Variants in TSPAN9 observed in about 807,000 individuals in gnomAD.
The protein encoded by TSPAN9 is tetraspanin 9.
In TSPAN9, 16 loss-of-function variants were observed where a neutral mutation model predicts 31.0. The observed-to-expected ratio is 0.52, with a 90% CI of 0.35 to 0.78. The LOEUF (loss-of-function observed/expected upper bound fraction) is 0.78. Ranked by LOEUF, TSPAN9 falls within the 30% of genes least tolerant of loss-of-function variation. The probability of loss-of-function intolerance (pLI) is 0.01; values close to 1 mark genes in which losing one functional copy is unlikely to be tolerated. For synonymous variants in TSPAN9, 145 were observed against 121.6 expected (o/e 1.19, Z -1.27); for missense variants, 272 against 312.5 (o/e 0.87, Z 0.98).
chr12:3,092,692 T>C (rs938705253), intron 2 of TSPAN9, among the ~76,000 whole-genome samples: 3 of 152,216 alleles, frequency 2.0e-5, no homozygotes, highest in Admixed American at 2.0e-4. Flanking sequence ...TCATCCACCT[T>C]ACCCACTGCT....
At chr12:3,281,410 G>C in intron 7 of TSPAN9, 81 bp downstream of exon 7, 1 of 1,464,166 alleles carries the variant, frequency 6.8e-7, no homozygotes, top group Non-Finnish European at 9.0e-7. Flanking sequence ...GGGGAGGCTG[G>C]GCCCGGGACA....
At chr12:3,255,321 A>T (rs1862325926) in intron 3 of TSPAN9, among the ~76,000 whole-genome samples, 1 of 152,268 alleles carries the variant, frequency 6.6e-6, no homozygotes, top group South Asian at 2.1e-4. Context: ...GCCTGAGGAG[A>T]CATGGCCCCC....
chr12:3,178,928 T>C (rs1260279307), intron 2 of TSPAN9, among the ~76,000 whole-genome samples: 3 of 152,152 alleles, frequency 2.0e-5, no homozygotes, highest in Admixed American at 2.0e-4. Context: ...CCATCCCCCT[T>C]GGTCCCCATC....
At chr12:3,091,246 A>G (rs2098304384) in intron 2 of TSPAN9, among the ~76,000 whole-genome samples, 2 of 152,302 alleles carry the variant, frequency 1.3e-5, no homozygotes, top group South Asian at 4.1e-4. Context: ...TCCGCTCATA[A>G]CCTCGGATAT....
chr12:3,150,348 T>C (rs1193168748), intron 2 of TSPAN9, among the ~76,000 whole-genome samples: 2 of 152,106 alleles, frequency 1.3e-5, no homozygotes, highest in African/African-American at 4.8e-5. Context: ...TAGTATTTTG[T>C]TGATGGGGGG....
At chr12:3,099,072 A>G (rs539077960) in intron 2 of TSPAN9, among the ~76,000 whole-genome samples, 1 of 152,174 alleles carries the variant, frequency 6.6e-6, no homozygotes, top group Admixed American at 6.5e-5. Context: ...TCTTAACTGC[A>G]TTGTTTTAGC....
At chr12:3,262,664 G>A (rs1230081634) in intron 3 of TSPAN9, among the ~76,000 whole-genome samples, 1 of 151,846 alleles carries the variant, frequency 6.6e-6, no homozygotes, top group Non-Finnish European at 1.5e-5. Context: ...GGCCTGCTGG[G>A]ATCTGACTTA....
At chr12:3,216,643 G>T (rs533091157) in intron 3 of TSPAN9, among the ~76,000 whole-genome samples, 1 of 152,362 alleles carries the variant, frequency 6.6e-6, no homozygotes, top group South Asian at 2.1e-4. Flanking sequence ...ACTGGAACCC[G>T]GAGTGGCCCT....
At chr12:3,207,189 T>G (rs1174120975) in intron 3 of TSPAN9, among the ~76,000 whole-genome samples, 17 of 152,014 alleles carry the variant, frequency 1.1e-4, no homozygotes, top group Non-Finnish European at 1.5e-5. Context: ...GTTGTTTTGT[T>G]TTTCTGGCAG....
At chr12:3,166,057 C>T (rs1024340969) in intron 2 of TSPAN9, among the ~76,000 whole-genome samples, 8 of 152,162 alleles carry the variant, frequency 5.3e-5, no homozygotes, top group Non-Finnish European at 7.3e-5. Flanking sequence ...ACTCTCTAAA[C>T]GCTCTCATTT....
chr12:3,199,184 G>T (rs1400242677), intron 2 of TSPAN9, among the ~76,000 whole-genome samples: 1 of 152,144 alleles, frequency 6.6e-6, no homozygotes, highest in Non-Finnish European at 1.5e-5. Flanking sequence ...CACACCCACC[G>T]CCCCAGGTAG....
intron 3 of TSPAN9, among the ~76,000 whole-genome samples, chr12:3,242,592 C>T (rs1172914384): frequency 6.6e-6 from 1 of 152,354 alleles, no homozygotes; most frequent in East Asian, 1.9e-4. Context: ...ACTGTCCCTG[C>T]TATCCTCTGC....
At chr12:3,140,386 A>G (rs1364634867) in intron 2 of TSPAN9, among the ~76,000 whole-genome samples, 3 of 152,038 alleles carry the variant, frequency 2.0e-5, no homozygotes, top group African/African-American at 7.2e-5. Flanking sequence ...TGAAATCTGG[A>G]GGAGAGTCAT....
intron 2 of TSPAN9, among the ~76,000 whole-genome samples, chr12:3,141,556 C>G (rs1307195196): frequency 2.6e-5 from 4 of 152,158 alleles, no homozygotes; most frequent in Non-Finnish European, 5.9e-5. Flanking sequence ...ACCCAGTGGC[C>G]TGTCCCTCAT....
intron 2 of TSPAN9, among the ~76,000 whole-genome samples, chr12:3,117,387 C>T (rs1484362447): frequency 6.6e-6 from 1 of 152,132 alleles, no homozygotes; most frequent in Non-Finnish European, 1.5e-5. Flanking sequence ...AAAAGCACTT[C>T]AGCAGAAACA....
rs546550300 is a variant in TSPAN9, at chr12:3,282,079, C to T, written c.648+262C>T. 249 of 661,926 alleles carry T rather than the reference C, an allele frequency of 3.8e-4. No individual in the cohort carries two copies. The Middle Eastern group carries it at 4.3e-3, about 11-fold the overall frequency. The allele number at this position is 661,926 out of a possible 1,614,324, so 41.0% of individuals were successfully genotyped here. A position where few individuals can be genotyped will look rare whatever the true frequency, so the allele number is the denominator to read the frequency against. Reference sequence around the variant, plus strand: ...GGATATTGAAGCTGGAGTCAACCCCCGTGGGTTCCCCCAGTTCTGCCCAAA... The same window carrying T: ...GGATATTGAAGCTGGAGTCAACCCCTGTGGGTTCCCCCAGTTCTGCCCAAA... On this transcript the variant is annotated intron_variant, in intron 8 of 8. Coordinates refer to ENST00000011898, the MANE Select transcript of TSPAN9 (RefSeq NM_006675.5).
At chr12:3,132,634 T>G (rs1286955618) in intron 2 of TSPAN9, among the ~76,000 whole-genome samples, 7 of 152,212 alleles carry the variant, frequency 4.6e-5, no homozygotes, top group African/African-American at 1.7e-4. Flanking sequence ...GTCTAGATCC[T>G]GTTTAAAACA....
At chr12:3,090,124 A>G (rs911861208) in intron 2 of TSPAN9, among the ~76,000 whole-genome samples, 4 of 152,150 alleles carry the variant, frequency 2.6e-5, no homozygotes. Flanking sequence ...TTATCTTCTC[A>G]ATTTCCATAA....
At chr12:3,181,381 C>T (rs1308722264) in intron 2 of TSPAN9, among the ~76,000 whole-genome samples, 3 of 152,120 alleles carry the variant, frequency 2.0e-5, no homozygotes, top group Non-Finnish European at 2.9e-5. Flanking sequence ...TGCCTTGTCA[C>T]GGGGCAGAGC....
Sources: gnomAD v4.1 joint callset for allele counts (sites outside exome capture counted in the v4.1 genomes callset) on GRCh38, gnomAD v4.1.1 for gene constraint, MANE v1.5 for transcripts, NCBI Gene and HGNC (gene_info 2026-07-23, HGNC 2026-07-21) for gene names.